The following ADAM18 variants were observed in gnomAD, a reference collection of about 807,000 sequenced individuals.
ADAM18 encodes disintegrin and metalloproteinase domain-containing protein 18.
Under a neutral mutation model 94.4 loss-of-function variants are expected in ADAM18, and 117 were observed. The ratio of observed to expected loss-of-function variants is 1.24; its 90% CI spans 1.07 to 1.45. ADAM18 has a LOEUF of 1.45. Among genes scored for constraint, ADAM18 ranks in the 40% most tolerant of loss-of-function variants. ADAM18 has a pLI of 0.00. For missense variants in ADAM18, 936 were observed against 880.0 expected, an observed-to-expected ratio of 1.06 and a Z score of -0.81; for synonymous variants, 327 against 291.6, an observed-to-expected ratio of 1.12 and a Z score of -1.24.
chr8:39,591,289 G>A (rs887008268), intron 2 of ADAM18, among the ~76,000 whole-genome samples: 5 of 152,128 alleles, frequency 3.3e-5, no homozygotes, highest in African/African-American at 2.4e-5. Context: ...TTCCTTTCAT[G>A]AAAGATTTCT....
intron 3 of ADAM18, among the ~76,000 whole-genome samples, chr8:39,608,519 A>G (rs1344223930): frequency 6.6e-6 from 1 of 151,758 alleles, no homozygotes; most frequent in African/African-American, 2.4e-5. Flanking sequence ...TGCATTTTCT[A>G]TTAATTCTTT....
At chr8:39,630,650 G>A (rs188267254) in intron 7 of ADAM18, among the ~76,000 whole-genome samples, 42 of 151,770 alleles carry the variant, frequency 2.8e-4, no homozygotes, top group African/African-American at 8.9e-4. Flanking sequence ...GTATACTAAC[G>A]TGAAGAATAC....
chr8:39,629,989 T>C (rs1819888198), intron 7 of ADAM18, among the ~76,000 whole-genome samples: 1 of 152,050 alleles, frequency 6.6e-6, no homozygotes, highest in Non-Finnish European at 1.5e-5. Context: ...TCACATTGTT[T>C]TATTGAATGC....
chr8:39,630,150 T>C (rs998250761), intron 7 of ADAM18, among the ~76,000 whole-genome samples: 18 of 151,992 alleles, frequency 1.2e-4, no homozygotes, highest in Non-Finnish European at 2.4e-4. Flanking sequence ...ATATTTTTTG[T>C]TTATTATTCT....
At chr8:39,690,921 A>T (rs1288404170) in intron 16 of ADAM18, among the ~76,000 whole-genome samples, 1 of 152,236 alleles carries the variant, frequency 6.6e-6, no homozygotes, top group African/African-American at 2.4e-5. Context: ...TCATTGTGAA[A>T]CTATTCACAA....
Position 39,680,045 on chromosome 8 carries a change from T to C in ADAM18, c.1640T>C (p.Leu547Pro). 6.2e-7 allele frequency: 1 copy of C among 1,613,592 alleles called. No homozygotes were observed. Among genetic ancestry groups the C allele is most frequent in the Non-Finnish European group, 8.5e-7 (1 of 1,179,786 alleles). ...QPLPCERKDV[L>P]CGKLACVQPH... ...TTGCTTTCCACTTCCAGGGATGTTCTCTGTGGAAAATTAGCTTGTGTTCAG... is the reference window on the plus strand; with the variant it reads ...TTGCTTTCCACTTCCAGGGATGTTCCCTGTGGAAAATTAGCTTGTGTTCAG... The change falls in exon 16 of 20, where the codon CTC becomes CCC. Residue 547 changes from leucine to proline, a missense_variant. Leu to Pro is a moderately conservative substitution (Grantham distance 98). Transcript: ENST00000265707.
intron 2 of ADAM18, among the ~76,000 whole-genome samples, chr8:39,590,375 A>C (rs1818536559): frequency 6.6e-6 from 1 of 152,180 alleles, no homozygotes; most frequent in Non-Finnish European, 1.5e-5. Context: ...CATAGGTGGG[A>C]ATTGAGCAAT....
chr8:39,637,841 G>A (rs1482674475), intron 9 of ADAM18, 138 bp downstream of exon 9: 1 of 641,122 alleles, frequency 1.6e-6, no homozygotes, highest in Non-Finnish European at 2.4e-6. Flanking sequence ...TGTCATAGAG[G>A]TGCTAGTGTA....
chr8:39,709,710 T>C (rs1822343138), intron 18 of ADAM18, among the ~76,000 whole-genome samples: 1 of 152,212 alleles, frequency 6.6e-6, no homozygotes, highest in Admixed American at 6.5e-5. Context: ...ATGTGGTAAA[T>C]AGGTTTGGTG....
chr8:39,670,460 A>G (rs1821123415), intron 14 of ADAM18, among the ~76,000 whole-genome samples: 1 of 152,182 alleles, frequency 6.6e-6, no homozygotes, highest in Non-Finnish European at 1.5e-5. Flanking sequence ...ATTATATGGG[A>G]CATGTTAACT....
At chr8:39,589,357 C>T (rs755466180) in intron 2 of ADAM18, among the ~76,000 whole-genome samples, 12 of 151,392 alleles carry the variant, frequency 7.9e-5, no homozygotes, top group Non-Finnish European at 1.3e-4. Flanking sequence ...CTGCACAAGA[C>T]ATATATATAT....
intron 11 of ADAM18, among the ~76,000 whole-genome samples, chr8:39,646,741 A>G (rs1437730899): frequency 6.6e-6 from 1 of 152,220 alleles, no homozygotes; most frequent in Non-Finnish European, 1.5e-5. Flanking sequence ...TAGTGGAAAT[A>G]TACATGTGAA....
chr8:39,628,252 A>G (rs1056517753), intron 6 of ADAM18, among the ~76,000 whole-genome samples: 11 of 151,924 alleles, frequency 7.2e-5, no homozygotes, highest in African/African-American at 2.7e-4. Flanking sequence ...AAACTCACAT[A>G]TTTTAGAATA....
At chr8:39,690,619 C>G (rs1821746106) in intron 16 of ADAM18, among the ~76,000 whole-genome samples, 1 of 152,140 alleles carries the variant, frequency 6.6e-6, no homozygotes, top group Non-Finnish European at 1.5e-5. Flanking sequence ...GCAACTGTCA[C>G]TACTACTTAC....
At chr8:39,620,357 C>CCAAAAAAAAAAAAA (rs1819573734) in intron 6 of ADAM18, among the ~76,000 whole-genome samples, 1 of 90,568 alleles carries the variant, frequency 1.1e-5, no homozygotes, top group African/African-American at 4.4e-5. Context: ...GCAACAAAAG[C>CCAAAAAAAAAAAAA]AAAAAAAAAA....
intron 14 of ADAM18, among the ~76,000 whole-genome samples, chr8:39,674,435 G>A (rs775394275): frequency 6.6e-6 from 1 of 152,116 alleles, no homozygotes; most frequent in Non-Finnish European, 1.5e-5. Context: ...CAGATACTAG[G>A]ATTGCAACCC....
chr8:39,643,551 G>T (rs1226785821), intron 10 of ADAM18, among the ~76,000 whole-genome samples: 1 of 152,072 alleles, frequency 6.6e-6, no homozygotes, highest in African/African-American at 2.4e-5. Flanking sequence ...CTGAGCACTT[G>T]ATCAACAGAA....
intron 6 of ADAM18, 24 bp downstream of exon 6, chr8:39,610,730 A>G (rs777830988): frequency 1.2e-6 from 2 of 1,607,228 alleles, no homozygotes; most frequent in Non-Finnish European, 1.7e-6. Context: ...TTCTGATGTT[A>G]TGACATACTA....
intron 12 of ADAM18, among the ~76,000 whole-genome samples, chr8:39,656,824 C>T (rs1425726116): frequency 6.6e-6 from 1 of 152,150 alleles, no homozygotes; most frequent in African/African-American, 2.4e-5. Flanking sequence ...AATCGATGCT[C>T]AGCATCCCAA....
Sources: gnomAD v4.1 joint callset for allele counts (sites outside exome capture counted in the v4.1 genomes callset) on GRCh38, gnomAD v4.1.1 for gene constraint, MANE v1.5 for transcripts, NCBI Gene and HGNC (gene_info 2026-07-23, HGNC 2026-07-21) for gene names.